Variants in CLDN2 observed in about 807,000 individuals in gnomAD.
CLDN2 encodes claudin 2, also known as claudin-2.
Under a neutral mutation model 8.2 loss-of-function variants are expected in CLDN2, and 1 was observed. That is an observed-to-expected ratio of 0.12 (90% CI 0.04 to 0.58). The LOEUF is 0.58. Ranked by LOEUF, CLDN2 falls within the 20% of genes least tolerant of loss-of-function variation. The pLI is 0.90. For missense variants in CLDN2, 108 were observed against 172.9 expected (o/e 0.62, Z 2.11); for synonymous variants, 70 against 70.2 (o/e 1.00, Z 0.01).
chrX:106,913,100 AT>A (rs142173484), intron 1 of CLDN2, among the ~76,000 whole-genome samples: 18,719 of 104,245 alleles, frequency 0.18, 4,329 homozygotes, highest in African/African-American at 0.62. Context: ...AGTGCAATTG[AT>A]TTTTTTTTTT....
rs1276704490 is a variant in CLDN2, at chrX:106,903,731, G to A, written c.-179+3227G>A. ...AGCCAGTTCCTGGCAAGAAGAGACA[G>A]CTGACCCCTTTAAGGAGAGTGAGGG... On this transcript the variant is annotated intron_variant, in intron 1 of 1. Coordinates refer to the CLDN2 transcript ENST00000541806. 2.2e-4 allele frequency among the ~76,000 whole-genome samples: 25 copies of A among 111,974 alleles called. No homozygotes were observed. In the Admixed American group the frequency reaches 2.4e-3, roughly 11 times the overall value.
In CLDN2 at chrX:106,902,131, C is replaced by A. The variant is rs748914074; in HGVS notation, c.-179+1627C>A. 24 of 1,188,052 alleles carry A rather than the reference C, an allele frequency of 2.0e-5. No individual in the cohort carries two copies. The East Asian group carries it at 6.1e-4, about 30-fold the overall frequency. On this transcript the variant is annotated intron_variant, in intron 1 of 1. Coordinates refer to the CLDN2 transcript ENST00000541806. ...CATGTGAACACACGTCACAAGGGCTCGAACTCACCAAATCCACCAGCTTCC... is the reference window on the plus strand; with the variant it reads ...CATGTGAACACACGTCACAAGGGCTAGAACTCACCAAATCCACCAGCTTCC...
chrX:106,916,152 T>C (rs1411709030), upstream of CLDN2, among the ~76,000 whole-genome samples: 2 of 109,232 alleles, frequency 1.8e-5, no homozygotes, highest in African/African-American at 3.3e-5. Flanking sequence ...CCCAAGACAA[T>C]TGGTGGGGGG....
intron 1 of CLDN2, among the ~76,000 whole-genome samples, chrX:106,927,847 G>T (rs1461161553): frequency 8.9e-5 from 10 of 112,263 alleles, no homozygotes; most frequent in Non-Finnish European, 5.6e-5. Context: ...CACCTGTCTG[G>T]CTCCTGGCTT....
At chrX:106,920,831 G>A (rs1933381726) in intron 1 of CLDN2, among the ~76,000 whole-genome samples, 1 of 111,991 alleles carries the variant, frequency 8.9e-6, no homozygotes, top group Non-Finnish European at 1.9e-5. Flanking sequence ...AAAGGACTGG[G>A]ATAAAAATTG....
intron 1 of CLDN2, among the ~76,000 whole-genome samples, chrX:106,905,503 G>A (rs955533830): frequency 1.1e-4 from 12 of 111,719 alleles, no homozygotes; most frequent in African/African-American, 3.6e-4. Flanking sequence ...TTACCTTCAT[G>A]AGCTAAGCGT....
At chrX:106,908,987 T>C (rs1933214640) in intron 1 of CLDN2, among the ~76,000 whole-genome samples, 1 of 111,554 alleles carries the variant, frequency 9.0e-6, no homozygotes, top group Non-Finnish European at 1.9e-5. Flanking sequence ...TCTGGTCTCA[T>C]TGCCGGGTGT....
intron 1 of CLDN2, among the ~76,000 whole-genome samples, chrX:106,904,016 G>A (rs751592410): frequency 8.9e-6 from 1 of 112,412 alleles, no homozygotes; most frequent in Admixed American, 9.4e-5. Context: ...GATTTCACAG[G>A]GCCTCTGGGT....
intron 1 of CLDN2, chrX:106,902,069 T>C (rs1482199805): frequency 1.1e-6 from 1 of 930,150 alleles, no homozygotes; most frequent in East Asian, 3.4e-5. Flanking sequence ...AGGGGCTCTC[T>C]GGGAAGTGAC....
At chrX:106,910,584 AC>A (rs1313859262) in intron 1 of CLDN2, among the ~76,000 whole-genome samples, 2 of 109,535 alleles carry the variant, frequency 1.8e-5, no homozygotes, top group Non-Finnish European at 3.8e-5. Flanking sequence ...GGCTTGGGGC[AC>A]CTGTAATCCT....
chrX:106,924,741 A>ATT (rs1933442065), intron 1 of CLDN2, among the ~76,000 whole-genome samples: 1 of 107,190 alleles, frequency 9.3e-6, no homozygotes, highest in African/African-American at 3.4e-5. Context: ...TATAATATAC[A>ATT]TTATATATAT....
rs36178406 is a variant in CLDN2 at position 106,926,891 on chromosome X, TCACACACACACA to T, written c.-178-1131_-178-1120del. ...TACTTGTGGGGCTGAGGCAGGAGGA[TCACACACACACA>T]CACACACACACACACACACACACAC... On this transcript the variant is annotated intron_variant, in intron 1 of 1. Transcript: ENST00000336803. Among the ~76,000 whole-genome samples, 56 of 10,279 alleles carry T rather than the reference TCACACACACACA, an allele frequency of 5.4e-3. 2 individuals carry two copies. The highest frequency in any genetic ancestry group is 0.04 in the African/African-American group (56 of 1,408). 8.9% of individuals were successfully genotyped at this position (10,279 alleles called of 115,157 possible). A position where few individuals can be genotyped will look rare whatever the true frequency, so the allele number is the denominator to read the frequency against.
chrX:106,924,533 G>A (rs767903273), intron 1 of CLDN2, among the ~76,000 whole-genome samples: 2 of 110,205 alleles, frequency 1.8e-5, no homozygotes, highest in South Asian at 7.8e-4. Context: ...AATGTTTATC[G>A]GCTCCTGCTC....
At chrX:106,915,862 G>A (rs1349066010), upstream of CLDN2, among the ~76,000 whole-genome samples, 14 of 110,035 alleles carry the variant, frequency 1.3e-4, 1 homozygote, top group Non-Finnish European at 1.9e-5. Flanking sequence ...TTTCTTCCCA[G>A]ACCCATCTAG....
Position 106,920,510 on chromosome X carries a change from CA to C in CLDN2, c.-219del, listed in dbSNP as rs1239223538. On this transcript the variant is annotated 5_prime_UTR_variant, in exon 1 of 2. An upstream open reading frame in the 5' UTR gains an earlier in-frame stop. Transcript: ENST00000336803. The stretch of plus-strand genomic sequence containing the variant: ...CCCTCAGGATCCCTTTCTCCCTCTC[CA>C]GGGGCATCTCCCCCTCCAAGGCTCT... The C allele has an allele frequency of 9.0e-6, 1 of 110,732 alleles. No homozygotes were observed. The highest frequency in any genetic ancestry group is 1.9e-5 in the Non-Finnish European group (1 of 52,926). 9.1% of individuals were successfully genotyped at this position (110,732 alleles called of 1,213,427 possible).
chrX:106,927,641 C>G (rs948327750), intron 1 of CLDN2, among the ~76,000 whole-genome samples: 2 of 112,313 alleles, frequency 1.8e-5, no homozygotes, highest in Non-Finnish European at 3.8e-5. Context: ...AGGCCTCTAA[C>G]AAACTGGAGT....
chrX:106,906,300 G>A (rs1347140028), intron 1 of CLDN2, among the ~76,000 whole-genome samples: 1 of 111,097 alleles, frequency 9.0e-6, no homozygotes, highest in Non-Finnish European at 1.9e-5. Context: ...GCATTGCCTA[G>A]CTAACGGACA....
At chrX:106,905,082 C>G (rs1438262665) in intron 1 of CLDN2, among the ~76,000 whole-genome samples, 2 of 111,965 alleles carry the variant, frequency 1.8e-5, no homozygotes, top group Non-Finnish European at 3.8e-5. Flanking sequence ...AATGTTTATC[C>G]ATGGAGGAAC....
intron 1 of CLDN2, chrX:106,901,584 A>G (rs1323487450): frequency 8.7e-7 from 1 of 1,148,305 alleles, no homozygotes; most frequent in Admixed American, 2.2e-5. Context: ...ACATGGCTAG[A>G]TAACTTCCTC....
Sources: allele counts gnomAD v4.1 joint callset (sites outside exome capture counted in the v4.1 genomes callset), GRCh38; gene constraint gnomAD v4.1.1; transcripts MANE v1.5; gene names NCBI Gene and HGNC (gene_info 2026-07-23, HGNC 2026-07-21).